The following ATG7 variants were observed in gnomAD, a reference collection of about 807,000 sequenced individuals.
ATG7 encodes the protein ubiquitin-like modifier-activating enzyme ATG7.
ATG7 carries 70 observed loss-of-function variants against 82.4 expected under a neutral mutation model. That is an observed-to-expected ratio of 0.85 (90% CI 0.70 to 1.04). The LOEUF (loss-of-function observed/expected upper bound fraction) is 1.04, where lower values mean the gene tolerates loss of function less well. Among genes scored for constraint, ATG7 ranks in the 50% least tolerant of loss-of-function variants. The pLI, the probability that ATG7 is intolerant of heterozygous loss-of-function variation, is 0.00. For missense variants in ATG7, 792 were observed against 864.3 expected, an observed-to-expected ratio of 0.92 and a Z score of 1.05; for synonymous variants, 287 against 313.0, an observed-to-expected ratio of 0.92 and a Z score of 0.88.
chr3:11,345,666 G>T (rs1196068332), intron 13 of ATG7, among the ~76,000 whole-genome samples: 1 of 151,924 alleles, frequency 6.6e-6, no homozygotes, highest in African/African-American at 2.4e-5. Flanking sequence ...TTGCTAGAGA[G>T]GCTTGTCTAT....
chr3:11,494,514 G>C (rs1229264995), intron 20 of ATG7, among the ~76,000 whole-genome samples: 1 of 152,240 alleles, frequency 6.6e-6, no homozygotes, highest in Non-Finnish European at 1.5e-5. Flanking sequence ...AGCTGGGCCG[G>C]TTTCAATGGG....
intron 20 of ATG7, among the ~76,000 whole-genome samples, chr3:11,547,180 G>A (rs1223952659): frequency 6.6e-6 from 1 of 152,248 alleles, no homozygotes; most frequent in African/African-American, 2.4e-5. Flanking sequence ...ACAGGAAGTA[G>A]TGAGAGAAAG....
intron 5 of ATG7, among the ~76,000 whole-genome samples, chr3:11,301,797 C>G (rs1176550583): frequency 6.6e-6 from 1 of 152,090 alleles, no homozygotes; most frequent in African/African-American, 2.4e-5. Context: ...TCTGGAGAGC[C>G]TCATATTTAT....
At chr3:11,317,406 G>A (rs1397979510) in intron 9 of ATG7, among the ~76,000 whole-genome samples, 1 of 152,068 alleles carries the variant, frequency 6.6e-6, no homozygotes, top group Non-Finnish European at 1.5e-5. Context: ...AGTTTGAACA[G>A]TGCTTTACAA....
At chr3:11,486,313 G>A (rs2089642487) in intron 20 of ATG7, among the ~76,000 whole-genome samples, 1 of 152,144 alleles carries the variant, frequency 6.6e-6, no homozygotes, top group Admixed American at 6.5e-5. Context: ...ATTGTGAATG[G>A]GAGTTCACTC....
intron 20 of ATG7, among the ~76,000 whole-genome samples, chr3:11,526,851 T>C (rs2092589462): frequency 6.6e-6 from 1 of 152,162 alleles, no homozygotes; most frequent in African/African-American, 2.4e-5. Flanking sequence ...TTTACCATCA[T>C]GTTTGCTGTA....
At chr3:11,471,789 G>C (rs1022023819) in intron 20 of ATG7, among the ~76,000 whole-genome samples, 5 of 130,846 alleles carry the variant, frequency 3.8e-5, no homozygotes, top group Non-Finnish European at 7.8e-5. Context: ...GCCCAGGCTG[G>C]AGTGCAGTGG....
intron 20 of ATG7, 107 bp from the exon 21 acceptor site, chr3:11,554,704 G>C (rs1034230027): frequency 6.0e-6 from 8 of 1,330,166 alleles, no homozygotes; most frequent in Non-Finnish European, 8.4e-6. Flanking sequence ...ACAAGGGAGT[G>C]GTTCTGCAGG....
chr3:11,521,626 C>T (rs887157746), intron 20 of ATG7, among the ~76,000 whole-genome samples: 2 of 151,624 alleles, frequency 1.3e-5, no homozygotes, highest in South Asian at 2.1e-4. Flanking sequence ...GATATTGGCT[C>T]ACTGCAAGTT....
intron 6 of ATG7, among the ~76,000 whole-genome samples, chr3:11,307,362 G>A (rs1430582345): frequency 6.6e-6 from 1 of 152,248 alleles, no homozygotes. Context: ...GAAGCAGCCA[G>A]ACCTCTGAGA....
chr3:11,310,269 G>T (rs1369722914), intron 7 of ATG7, among the ~76,000 whole-genome samples: 1 of 152,108 alleles, frequency 6.6e-6, no homozygotes, highest in Admixed American at 6.5e-5. Context: ...TTTGGAGCGG[G>T]CATATAAACA....
At position 11,484,336 on chromosome 3, in the gene ATG7, G is replaced by A. The variant is rs1048061561; in HGVS notation, c.2079+57410G>A. 2.0e-5 allele frequency among the ~76,000 whole-genome samples: 3 copies of A among 152,362 alleles called. No homozygotes were observed. In the South Asian group the frequency reaches 6.2e-4, roughly 32 times the overall value. On this transcript the variant is annotated intron_variant, in intron 20 of 20. Transcript: ENST00000693202. ...TTGAACCCAGGAGGCGGAGGCTGCA[G>A]TGAGCCAAAATCATGCCACTGTACT...
Position 11,462,682 on chromosome 3 carries a change from G to A in ATG7, c.2079+35756G>A, listed in dbSNP as rs576604530. 1.2e-4 allele frequency among the ~76,000 whole-genome samples: 18 copies of A among 152,146 alleles called. No individual in the cohort carries two copies. In the South Asian group the frequency reaches 2.7e-3, roughly 23 times the overall value. On this transcript the variant is annotated intron_variant, in intron 20 of 20. Coordinates refer to ENST00000693202, the MANE Select transcript of ATG7 (RefSeq NM_001349232.2). ...ATTGGTTAGTTCGCATGTCAGAAGT[G>A]TACTCCTGGCTGGGCCCTTTGCTGG...
At chr3:11,381,420 C>T (rs111717745) in intron 19 of ATG7, among the ~76,000 whole-genome samples, 1 of 152,152 alleles carries the variant, frequency 6.6e-6, no homozygotes. Flanking sequence ...GTTGGTCTGG[C>T]TAGTCAATGA....
At chr3:11,434,193 A>G (rs930663573) in intron 20 of ATG7, among the ~76,000 whole-genome samples, 1 of 152,082 alleles carries the variant, frequency 6.6e-6, no homozygotes, top group Admixed American at 6.5e-5. Flanking sequence ...CCTGTGGAAT[A>G]TTTTTGTTTT....
chr3:11,501,562 A>G (rs2091324477), intron 20 of ATG7, among the ~76,000 whole-genome samples: 1 of 36,876 alleles, frequency 2.7e-5, no homozygotes, highest in Non-Finnish European at 5.6e-5. Context: ...TAGGTGTGAT[A>G]ATGTTATTAT....
chr3:11,501,071 A>G (rs2091284154), intron 20 of ATG7, among the ~76,000 whole-genome samples: 1 of 152,254 alleles, frequency 6.6e-6, no homozygotes. Flanking sequence ...CCTGGGCAAC[A>G]TAGCAAAATG....
chr3:11,454,552 G>A (rs1344905643), intron 20 of ATG7, among the ~76,000 whole-genome samples: 1 of 152,256 alleles, frequency 6.6e-6, no homozygotes, highest in Non-Finnish European at 1.5e-5. Flanking sequence ...GATGGTCATG[G>A]TATTGTTCTC....
At chr3:11,383,683 C>T (rs540409610) in intron 19 of ATG7, among the ~76,000 whole-genome samples, 5 of 152,242 alleles carry the variant, frequency 3.3e-5, no homozygotes, top group African/African-American at 9.6e-5. Flanking sequence ...CTGCTGACCT[C>T]GTGATCCGCC....
Sources: allele counts gnomAD v4.1 joint callset (sites outside exome capture counted in the v4.1 genomes callset), GRCh38; gene constraint gnomAD v4.1.1; transcripts MANE v1.5; gene names NCBI Gene and HGNC (gene_info 2026-07-23, HGNC 2026-07-21).